Variants in IKZF4 observed in about 807,000 individuals in gnomAD.
IKZF4 encodes the protein IKAROS family zinc finger 4.
IKZF4 carries 11 observed loss-of-function variants against 47.7 expected under a neutral mutation model. That is an observed-to-expected ratio of 0.23 (90% CI 0.15 to 0.38). The LOEUF (loss-of-function observed/expected upper bound fraction) is 0.38. Among genes scored for constraint, IKZF4 ranks in the 10% least tolerant of loss-of-function variants. The pLI is 1.00. For synonymous variants in IKZF4, 298 were observed against 299.4 expected (o/e 1.00, Z 0.05); for missense variants, 557 against 784.9 (o/e 0.71, Z 3.47).
upstream of IKZF4, chr12:56,007,619 C>G (rs1308964421): frequency 1.3e-5 from 2 of 154,360 alleles, no homozygotes; most frequent in Non-Finnish European, 2.9e-5. Flanking sequence ...CCACTCCCCC[C>G]GCACTGGGCC....
chr12:56,033,363 G>C (rs1383173455), intron 7 of IKZF4, 42 bp downstream of exon 7: 2 of 1,611,280 alleles, frequency 1.2e-6, no homozygotes, highest in Non-Finnish European at 1.7e-6. Flanking sequence ...TTAAGCCACA[G>C]CTCAAATAAA....
At chr12:56,012,734 G>A (rs1470624025) in intron 2 of IKZF4, among the ~76,000 whole-genome samples, 1 of 152,170 alleles carries the variant, frequency 6.6e-6, no homozygotes, top group African/African-American at 2.4e-5. Flanking sequence ...GTCTAGAAAG[G>A]ATGCCCATTC....
Position 56,035,366 on chromosome 12 carries a change from C to T in IKZF4, c.*35C>T. The T allele has an allele frequency of 6.4e-7, 1 of 1,573,434 alleles. No homozygotes were observed. Among genetic ancestry groups the T allele is most frequent in the Non-Finnish European group, 8.6e-7 (1 of 1,158,842 alleles). On this transcript the variant is annotated 3_prime_UTR_variant, in exon 8 of 8. Transcript: ENST00000547167. This position sits in a 1 kb window ranked among gnomAD's most constrained non-coding sequence, Gnocchi z 6.1. ...CCTCTCTCCTCAGTCCACCACTCCACTGCCCTGACTACAGGCATTGATCCC... is the reference window on the plus strand; with the variant it reads ...CCTCTCTCCTCAGTCCACCACTCCATTGCCCTGACTACAGGCATTGATCCC...
At chr12:56,017,251 C>CT (rs1892234885), upstream of IKZF4, among the ~76,000 whole-genome samples, 1 of 104,130 alleles carries the variant, frequency 9.6e-6, no homozygotes, top group Non-Finnish European at 1.9e-5. Flanking sequence ...GTCCTTTTTT[C>CT]TTTTTTAAAA....
At chr12:56,033,568 G>A (rs1212304362) in intron 7 of IKZF4, among the ~76,000 whole-genome samples, 6 of 152,032 alleles carry the variant, frequency 3.9e-5, no homozygotes, top group Non-Finnish European at 5.9e-5. Context: ...TTAGCCGGGC[G>A]TGGTGGCGGG....
intron 3 of IKZF4, 64 bp downstream of exon 3, chr12:56,025,222 C>T: frequency 6.9e-7 from 1 of 1,452,128 alleles, no homozygotes; most frequent in Non-Finnish European, 9.1e-7. Flanking sequence ...GCCTTCAATT[C>T]ACCTTCCACT....
intron 2 of IKZF4, chr12:56,024,838 G>A: frequency 1.4e-6 from 2 of 1,425,512 alleles, no homozygotes; most frequent in South Asian, 1.4e-5. Context: ...TAAAGGTAGG[G>A]TAGGCAAGGC....
At chr12:56,007,782 C>G (rs1454342672) in intron 1 of IKZF4, 2 of 141,194 alleles carry the variant, frequency 1.4e-5, no homozygotes, top group African/African-American at 2.6e-5. Context: ...GGCGGGGCCT[C>G]GGTAGCCGGG....
intron 2 of IKZF4, among the ~76,000 whole-genome samples, chr12:56,014,755 G>A (rs938803247): frequency 1.3e-5 from 2 of 151,918 alleles, no homozygotes; most frequent in African/African-American, 4.8e-5. Context: ...ACTCCAGCCT[G>A]GGCAACACAG....
chr12:56,024,129 A>G (rs912260405), intron 2 of IKZF4, among the ~76,000 whole-genome samples: 2 of 152,200 alleles, frequency 1.3e-5, no homozygotes, highest in African/African-American at 4.8e-5. Flanking sequence ...CTGATTTTGA[A>G]AAACATTATG....
rs554990206 is a variant in IKZF4, at chr12:56,025,039, G to C, written c.182-15G>C. The C allele has an allele frequency of 1.9e-6, 3 of 1,568,322 alleles. No homozygotes were observed. The highest frequency in any genetic ancestry group is 2.3e-5 in the South Asian group (2 of 85,224). Reference sequence around the variant, plus strand: ...CAGCTCCAGCTTTACCTGCCCTCTTGTTCTCTCCTCCAAGGTAGCGGGGAC... The same window carrying C: ...CAGCTCCAGCTTTACCTGCCCTCTTCTTCTCTCCTCCAAGGTAGCGGGGAC... On this transcript the variant is annotated splice_polypyrimidine_tract_variant and intron_variant, in intron 2 of 7. Coordinates refer to ENST00000547167, the MANE Select transcript of IKZF4 (RefSeq NM_022465.4).
intron 2 of IKZF4, among the ~76,000 whole-genome samples, chr12:56,024,117 A>T (rs1269132906): frequency 1.3e-5 from 2 of 152,184 alleles, no homozygotes; most frequent in African/African-American, 4.8e-5. Context: ...TAGGTATGTT[A>T]TCTGATTTTG....
chr12:56,022,001 C>T (rs774343530), intron 1 of IKZF4: 14 of 201,938 alleles, frequency 6.9e-5, no homozygotes, highest in Non-Finnish European at 1.4e-4. Flanking sequence ...GCTTCCTCCC[C>T]ACAAAAGAGC....
intron 1 of IKZF4, among the ~76,000 whole-genome samples, chr12:56,009,003 G>A (rs4759236): frequency 1.3e-3 from 199 of 152,018 alleles, no homozygotes; most frequent in South Asian, 2.5e-3. Flanking sequence ...ACCTTATTTC[G>A]CCCCATTCCC....
chr12:56,010,521 C>T lies in IKZF4; in HGVS notation c.-291-896C>T, dbSNP rs1214053160. On this transcript the variant is annotated intron_variant, in intron 1 of 11. Transcript: ENST00000262032. ...ACATAGGAGGAAGAGGATTATTTAT[C>T]CTCCCATCCATAAGCCTGTGTTTCC... 4 of 152,190 alleles carry T rather than the reference C, an allele frequency of 2.6e-5. No individual in the cohort carries two copies. The East Asian group carries it at 7.7e-4, about 29-fold the overall frequency. The allele number at this position is 152,190 out of a possible 1,614,324, so 9.4% of individuals were successfully genotyped here.
intron 4 of IKZF4, 126 bp downstream of exon 4, chr12:56,027,167 G>A (rs927172281): frequency 1.1e-6 from 1 of 947,796 alleles, no homozygotes; most frequent in African/African-American, 1.7e-5. Context: ...CCTCAGAAAG[G>A]GAAGGGTCTC....
At chr12:56,020,900 G>T, upstream of IKZF4, 1 of 991,326 alleles carries the variant, frequency 1.0e-6, no homozygotes, top group South Asian at 4.6e-5. Flanking sequence ...CTCTCTGAGA[G>T]CCTTGAAGCT....
chr12:56,023,795 A>G (rs779605169), intron 2 of IKZF4, 31 bp downstream of exon 2: 3 of 1,607,514 alleles, frequency 1.9e-6, no homozygotes, highest in East Asian at 2.2e-5. Context: ...GCAATTGGGT[A>G]AAGTACTAAT....
Position 56,014,530 on chromosome 12 carries a change from G to A in IKZF4, c.-214+3036G>A, listed in dbSNP as rs137948794. 3.7e-3 allele frequency among the ~76,000 whole-genome samples: 570 copies of A among 152,172 alleles called. 19 individuals are homozygous for A. The highest frequency in any genetic ancestry group is 0.033 in the Admixed American group (501 of 15,282). ...CACACACACACACAAAATAATATGA[G>A]CATATTTCTTCCTGTAGAGCCAGCT... On this transcript the variant is annotated intron_variant, in intron 2 of 11. Coordinates refer to the IKZF4 transcript ENST00000262032.
Sources: allele counts gnomAD v4.1 joint callset (sites outside exome capture counted in the v4.1 genomes callset), GRCh38; gene constraint gnomAD v4.1.1; non-coding constraint Gnocchi (gnomAD v3.1); transcripts MANE v1.5; gene names NCBI Gene and HGNC (gene_info 2026-07-23, HGNC 2026-07-21).